Variants in UBE2H observed in about 807,000 individuals in gnomAD.
UBE2H encodes ubiquitin conjugating enzyme E2 H.
In UBE2H, 3 loss-of-function variants were observed where a neutral mutation model predicts 29.0. The observed-to-expected ratio is 0.10, with a 90% CI of 0.05 to 0.27. The LOEUF is 0.27. UBE2H is among the 10% of genes least tolerant of loss of function. The probability of loss-of-function intolerance (pLI) is 1.00; values close to 1 mark genes in which losing one functional copy is unlikely to be tolerated. For synonymous variants in UBE2H, 69 were observed against 82.9 expected (o/e 0.83, Z 0.91); for missense variants, 68 against 228.2 (o/e 0.30, Z 4.52).
At chr7:129,902,157 A>C (rs1393796767) in intron 1 of UBE2H, among the ~76,000 whole-genome samples, 6 of 152,214 alleles carry the variant, frequency 3.9e-5, no homozygotes, top group Admixed American at 3.9e-4. Flanking sequence ...GTAACTTTAG[A>C]TCTTAGTAAT....
At chr7:129,865,088 A>G (rs17639487) in intron 3 of UBE2H, 33,210 of 438,298 alleles carry the variant, frequency 0.076, 1,658 homozygotes, top group Non-Finnish European at 0.11. Context: ...TCCAAATCAC[A>G]CTTAATGTAA....
chr7:129,855,442 A>G (rs1336688001), intron 5 of UBE2H, among the ~76,000 whole-genome samples: 1 of 152,228 alleles, frequency 6.6e-6, no homozygotes, highest in East Asian at 1.9e-4. Context: ...AACCATCTTA[A>G]AAGGAATCCA....
chr7:129,899,330 A>G (rs1460035444), intron 1 of UBE2H, among the ~76,000 whole-genome samples: 1 of 152,186 alleles, frequency 6.6e-6, no homozygotes, highest in Non-Finnish European at 1.5e-5. Flanking sequence ...GTTACTTTCT[A>G]ACTACCATCA....
intron 1 of UBE2H, among the ~76,000 whole-genome samples, chr7:129,946,160 C>T (rs1807759457): frequency 1.3e-5 from 2 of 151,844 alleles, no homozygotes; most frequent in South Asian, 4.1e-4. Flanking sequence ...TCACACCATT[C>T]TCCTGCCTCA....
In UBE2H at chr7:129,847,190, T is replaced by C. The variant is rs193137649; in HGVS notation, c.299-7855A>G. On this transcript the variant is annotated intron_variant, in intron 5 of 6. Transcript: ENST00000355621. ...AGCTCTAGAGTAGCTGGATTACAGG[T>C]GCACGCCCAGCTAATTTTTTGTATT... Among the ~76,000 whole-genome samples the C allele has an allele frequency of 2.6e-4, 39 of 152,146 alleles. No individual in the cohort carries two copies. In the East Asian group the frequency reaches 7.2e-3, roughly 28 times the overall value.
chr7:129,947,716 CA>C (rs1178497302), intron 1 of UBE2H, among the ~76,000 whole-genome samples: 1 of 149,184 alleles, frequency 6.7e-6, no homozygotes, highest in Non-Finnish European at 1.5e-5. Context: ...CTACACACAG[CA>C]ATGACCTAAC....
intron 1 of UBE2H, among the ~76,000 whole-genome samples, chr7:129,947,873 A>AT (rs1431303573): frequency 6.6e-6 from 1 of 151,656 alleles, no homozygotes; most frequent in African/African-American, 2.4e-5. Context: ...TTTTTTTGAG[A>AT]TAAGAGTCTT....
At chr7:129,947,243 GT>G (rs1807783215) in intron 1 of UBE2H, among the ~76,000 whole-genome samples, 1 of 152,188 alleles carries the variant, frequency 6.6e-6, no homozygotes, top group Non-Finnish European at 1.5e-5. Context: ...ACCAAAATAA[GT>G]ACCAGTATGT....
intron 1 of UBE2H, among the ~76,000 whole-genome samples, chr7:129,938,799 G>GT (rs751995862): frequency 9.4e-5 from 14 of 149,662 alleles, no homozygotes; most frequent in East Asian, 3.9e-4. Context: ...TTGTTTTTTT[G>GT]TTTTTTTTGT....
intron 5 of UBE2H, among the ~76,000 whole-genome samples, chr7:129,843,409 A>T (rs929929996): frequency 1.3e-5 from 2 of 152,132 alleles, no homozygotes; most frequent in African/African-American, 4.8e-5. Flanking sequence ...ACTACAGTCA[A>T]TGAGGTAGGC....
At chr7:129,933,068 T>C (rs73471985) in intron 1 of UBE2H, among the ~76,000 whole-genome samples, 1,870 of 152,280 alleles carry the variant, frequency 0.012, 33 homozygotes, top group African/African-American at 0.04. Context: ...CATTTAAATA[T>C]AACACTAAAC....
At chr7:129,898,173 T>C (rs1026758036) in intron 1 of UBE2H, among the ~76,000 whole-genome samples, 1 of 152,152 alleles carries the variant, frequency 6.6e-6, no homozygotes, top group African/African-American at 2.4e-5. Context: ...GTAGACTGTA[T>C]CTAGGTGTGC....
chr7:129,904,891 C>G (rs1432404951), intron 1 of UBE2H, among the ~76,000 whole-genome samples: 1 of 152,142 alleles, frequency 6.6e-6, no homozygotes, highest in Non-Finnish European at 1.5e-5. Context: ...TGTCCTAATC[C>G]AGGAGGTGGG....
At chr7:129,889,479 T>C (rs1246234616) in intron 1 of UBE2H, among the ~76,000 whole-genome samples, 3 of 152,230 alleles carry the variant, frequency 2.0e-5, no homozygotes, top group African/African-American at 7.2e-5. Flanking sequence ...AGCTCTAAAT[T>C]TCTAAGTGTA....
rs1157930623 is a variant in UBE2H at position 129,833,040 on chromosome 7, G to T, written c.*1897C>A. ...AATACTACCCTTCCAGCAAGCCACA[G>T]ATGCTAGATGGATAACTCAGTACGG... On this transcript the variant is annotated 3_prime_UTR_variant, in exon 7 of 7. Transcript: ENST00000355621. 6.6e-6 allele frequency: 1 copy of T among 151,666 alleles called. No homozygotes were observed. Among genetic ancestry groups the T allele is most frequent in the Non-Finnish European group, 1.5e-5 (1 of 67,948 alleles). 9.4% of individuals were successfully genotyped at this position (151,666 alleles called of 1,614,324 possible).
intron 1 of UBE2H, among the ~76,000 whole-genome samples, chr7:129,950,413 C>G (rs1807850487): frequency 6.6e-6 from 1 of 151,912 alleles, no homozygotes; most frequent in Non-Finnish European, 1.5e-5. Flanking sequence ...AAAAGACACC[C>G]TGCTGTTCTT....
chr7:129,892,110 G>A (rs1806506496), intron 1 of UBE2H, among the ~76,000 whole-genome samples: 1 of 151,872 alleles, frequency 6.6e-6, no homozygotes, highest in African/African-American at 2.4e-5. Flanking sequence ...CCGCCACCAG[G>A]CCAAGCTAAT....
chr7:129,950,457 C>A (rs965641629), intron 1 of UBE2H, among the ~76,000 whole-genome samples: 6 of 152,106 alleles, frequency 3.9e-5, no homozygotes, highest in Non-Finnish European at 1.5e-5. Context: ...ACCCCCCACA[C>A]CCCGACTCCT....
chr7:129,950,086 T>C (rs1381880041), intron 1 of UBE2H, among the ~76,000 whole-genome samples: 2 of 152,214 alleles, frequency 1.3e-5, no homozygotes, highest in Non-Finnish European at 2.9e-5. Context: ...CATTTGGGCC[T>C]ACTGATCTGT....
Sources: allele counts gnomAD v4.1 joint callset (sites outside exome capture counted in the v4.1 genomes callset), GRCh38; gene constraint gnomAD v4.1.1; transcripts MANE v1.5; gene names NCBI Gene and HGNC (gene_info 2026-07-23, HGNC 2026-07-21).